The following BTRC variants were observed in gnomAD, a reference collection of about 807,000 sequenced individuals.
BTRC encodes the protein F-box/WD repeat-containing protein 1A.
Under a neutral mutation model 85.5 loss-of-function variants are expected in BTRC, and 42 were observed. That is an observed-to-expected ratio of 0.49 (90% CI 0.38 to 0.64). The LOEUF (loss-of-function observed/expected upper bound fraction) is 0.64, where lower values mean the gene tolerates loss of function less well. BTRC is among the 30% of genes least tolerant of loss of function. The probability of loss-of-function intolerance (pLI) is 0.00; values close to 1 mark genes in which losing one functional copy is unlikely to be tolerated. For missense variants in BTRC, 594 were observed against 743.5 expected, an observed-to-expected ratio of 0.80 and a Z score of 2.34; for synonymous variants, 255 against 263.3, an observed-to-expected ratio of 0.97 and a Z score of 0.30.
In BTRC at chr10:101,534,708, A is replaced by G. The variant is rs377451044; in HGVS notation, c.1145A>G (p.His382Arg). Residue 382 changes from histidine to arginine, a missense_variant, in exon 10 of 15, where the codon CAT (histidine) becomes CGT (arginine). His to Arg is a conservative substitution (Grantham distance 29). Coordinates refer to ENST00000370187, the MANE Select transcript of BTRC (RefSeq NM_033637.4). ...GAAATGCTAAACACGTTGATTCACC[A>G]TTGTGAAGCAGTTCTGCACTTGCGT... The part of the protein sequence containing the change: ...TGEMLNTLIH[H>R]CEAVLHLRFN... 6.2e-7 allele frequency: 1 copy of G among 1,614,220 alleles called. No homozygotes were observed. Among genetic ancestry groups the G allele is most frequent in the Non-Finnish European group, 8.5e-7 (1 of 1,180,028 alleles).
rs975333977 is a variant in BTRC at position 101,505,005 on chromosome 10, A to G, written c.325-16634A>G. On this transcript the variant is annotated intron_variant, in intron 4 of 14. Coordinates refer to ENST00000370187, the MANE Select transcript of BTRC (RefSeq NM_033637.4). ...CACCCAGGCTGGAGTGCAGTGGTACAATCTCAGCTCACTGCAACTTCTGCC... is the reference window on the plus strand; with the variant it reads ...CACCCAGGCTGGAGTGCAGTGGTACGATCTCAGCTCACTGCAACTTCTGCC... 2.7e-5 allele frequency among the ~76,000 whole-genome samples: 4 copies of G among 150,068 alleles called. No individual in the cohort carries two copies. The Admixed American group carries it at 2.7e-4, about 10-fold the overall frequency.
intron 14 of BTRC, 27 bp from the exon 15 acceptor site, chr10:101,553,125 CTAA>C (rs1242213364): frequency 1.3e-5 from 2 of 152,772 alleles, no homozygotes; most frequent in Middle Eastern, 3.4e-3. Context: ...AAAAAAGGGG[CTAA>C]TGACTATTTG....
At chr10:101,449,877 C>G (rs1304897972) in intron 2 of BTRC, among the ~76,000 whole-genome samples, 1 of 151,318 alleles carries the variant, frequency 6.6e-6, no homozygotes, top group African/African-American at 2.4e-5. Context: ...AAAACACAAC[C>G]TACAGTGGTA....
chr10:101,463,943 A>C (rs554452943), intron 3 of BTRC, among the ~76,000 whole-genome samples: 1 of 77,754 alleles, frequency 1.3e-5, no homozygotes, highest in Non-Finnish European at 2.5e-5. Flanking sequence ...TCATCCAGGA[A>C]GCTTTAAAAA....
intron 1 of BTRC, among the ~76,000 whole-genome samples, chr10:101,385,221 G>T (rs1943034952): frequency 6.8e-6 from 1 of 147,864 alleles, no homozygotes; most frequent in African/African-American, 2.5e-5. Flanking sequence ...AAAAAAATTA[G>T]CCGGGCGTGG....
intron 14 of BTRC, among the ~76,000 whole-genome samples, chr10:101,552,538 C>G (rs746795359): frequency 1.3e-5 from 2 of 152,006 alleles, no homozygotes; most frequent in Non-Finnish European, 2.9e-5. Context: ...CTTAGGCTGC[C>G]TTCTCTATTC....
chr10:101,520,959 T>C (rs765023125), intron 4 of BTRC, among the ~76,000 whole-genome samples: 8 of 151,594 alleles, frequency 5.3e-5, no homozygotes, highest in Non-Finnish European at 4.4e-5. Context: ...CAAGACTGTC[T>C]CCAAAAACAA....
intron 4 of BTRC, among the ~76,000 whole-genome samples, chr10:101,510,484 T>C (rs1946674564): frequency 1.3e-5 from 2 of 150,994 alleles, no homozygotes; most frequent in Non-Finnish European, 2.9e-5. Flanking sequence ...CACTCCAACC[T>C]GAGCGACAGA....
intron 1 of BTRC, among the ~76,000 whole-genome samples, chr10:101,413,531 C>G (rs1943842206): frequency 6.6e-6 from 1 of 152,168 alleles, no homozygotes; most frequent in African/African-American, 2.4e-5. Context: ...CCAGGCTGGT[C>G]TCAAACACCT....
chr10:101,390,334 ATT>A (rs530214648), intron 1 of BTRC, among the ~76,000 whole-genome samples: 30 of 128,116 alleles, frequency 2.3e-4, no homozygotes, highest in African/African-American at 6.8e-4. Context: ...TCCTGGTATG[ATT>A]TTTTTTTTTT....
chr10:101,355,758 T>G (rs956059804), intron 1 of BTRC, among the ~76,000 whole-genome samples: 1 of 152,220 alleles, frequency 6.6e-6, no homozygotes, highest in African/African-American at 2.4e-5. Flanking sequence ...ATAAGAATAC[T>G]TTTTTGGAAT....
chr10:101,403,033 T>C (rs369951511), intron 1 of BTRC, among the ~76,000 whole-genome samples: 1 of 152,362 alleles, frequency 6.6e-6, no homozygotes, highest in East Asian at 1.9e-4. Flanking sequence ...ATAACCTCTT[T>C]AAAAGCAGGG....
Position 101,418,367 on chromosome 10 carries a change from C to CA in BTRC, c.49-11969dup, listed in dbSNP as rs56909307. 5.3e-4 allele frequency among the ~76,000 whole-genome samples: 77 copies of CA among 144,228 alleles called. 2 individuals carry two copies. Among genetic ancestry groups the CA allele is most frequent in the South Asian group, 1.8e-3 (8 of 4,528 alleles). The allele number at this position is 144,228 out of a possible 152,430, so 94.6% of individuals were successfully genotyped here. ...TGGGTGACAGAGCAAGACTCTGTCT[C>CA]AAAAAAAAACAAAAACACAGACATT... On this transcript the variant is annotated intron_variant, in intron 1 of 14. Coordinates refer to ENST00000370187, the MANE Select transcript of BTRC (RefSeq NM_033637.4).
chr10:101,512,210 A>T (rs2061966003), intron 4 of BTRC, among the ~76,000 whole-genome samples: 1 of 152,196 alleles, frequency 6.6e-6, no homozygotes, highest in South Asian at 2.1e-4. Flanking sequence ...CCTAGGCTAC[A>T]GCCTTATCCC....
chr10:101,446,953 G>C (rs1425729858), intron 2 of BTRC, among the ~76,000 whole-genome samples: 1 of 144,018 alleles, frequency 6.9e-6, no homozygotes, highest in Non-Finnish European at 1.5e-5. Flanking sequence ...TTTTTTATGT[G>C]TGTCCTCTTG....
rs142077099 is a variant in BTRC, at chr10:101,363,584, G to A, written c.48+9356G>A. 3.8e-3 allele frequency among the ~76,000 whole-genome samples: 584 copies of A among 152,052 alleles called. 6 individuals are homozygous for A. Among genetic ancestry groups the A allele is most frequent in the African/African-American group, 0.013 (547 of 41,478 alleles). On this transcript the variant is annotated intron_variant, in intron 1 of 14. Transcript: ENST00000370187. ...AGTGATTCTCCTGCCTCAGCCTCCCGAGTAGCTGGGACTACAGGTGTGCAC... is the reference window on the plus strand; with the variant it reads ...AGTGATTCTCCTGCCTCAGCCTCCCAAGTAGCTGGGACTACAGGTGTGCAC...
chr10:101,354,106 G>C (rs1388803201), upstream of BTRC: 42 of 1,510,296 alleles, frequency 2.8e-5, no homozygotes, highest in Admixed American at 3.9e-5. Flanking sequence ...GGCGGGATCC[G>C]GGCGCTGCGT....
chr10:101,406,524 C>CTTTTTTTTTTTT lies in BTRC; in HGVS notation c.49-23804_49-23793dup, dbSNP rs58902120. ...ATGTTAACATAGCCATCTCAGGTTTCTTTTTTTTTTTTTTTTTTTTTTTTT... is the reference window on the plus strand; with the variant it reads ...ATGTTAACATAGCCATCTCAGGTTTCTTTTTTTTTTTTTTTTTTTTTTTTTTTTTTTTTTTTT... On this transcript the variant is annotated intron_variant, in intron 1 of 14. Transcript: ENST00000370187. 7.9e-5 allele frequency among the ~76,000 whole-genome samples: 4 copies of CTTTTTTTTTTTT among 50,424 alleles called. 1 individual carries two copies. Among genetic ancestry groups the CTTTTTTTTTTTT allele is most frequent in the African/African-American group, 2.4e-4 (3 of 12,688 alleles). 33.1% of individuals were successfully genotyped at this position (50,424 alleles called of 152,430 possible).
rs2062387019 is a variant in BTRC at position 101,536,448 on chromosome 10, T to A, written c.1467-95T>A. On this transcript the variant is annotated intron_variant, in intron 11 of 14. Coordinates refer to ENST00000370187, the MANE Select transcript of BTRC (RefSeq NM_033637.4). ...GTGGGTGGTGATTGATTTTATTTTA[T>A]GAATTTTTAGAAGGCATATGAGGTG... is the stretch of plus-strand genomic sequence containing the variant. 3 of 855,396 alleles carry A rather than the reference T, an allele frequency of 3.5e-6. No individual in the cohort carries two copies. The Admixed American group carries it at 6.0e-5, about 17-fold the overall frequency. The allele number at this position is 855,396 out of a possible 1,614,324, so 53.0% of individuals were successfully genotyped here. A position where few individuals can be genotyped will look rare whatever the true frequency, so the allele number is the denominator to read the frequency against.
Sources: gnomAD v4.1 joint callset for allele counts (sites outside exome capture counted in the v4.1 genomes callset) on GRCh38, gnomAD v4.1.1 for gene constraint, MANE v1.5 for transcripts, NCBI Gene and HGNC (gene_info 2026-07-23, HGNC 2026-07-21) for gene names.